Variants in FRMPD1 observed in about 807,000 individuals in gnomAD.
FRMPD1 encodes the protein FERM and PDZ domain containing 1, also known as FERM and PDZ domain-containing protein 1.
FRMPD1 carries 76 observed loss-of-function variants against 117.8 expected under a neutral mutation model. The observed-to-expected ratio is 0.65, with a 90% CI of 0.54 to 0.78. The LOEUF (loss-of-function observed/expected upper bound fraction) is 0.78, where lower values mean the gene tolerates loss of function less well. Among genes scored for constraint, FRMPD1 ranks in the 30% least tolerant of loss-of-function variants. FRMPD1 has a pLI of 0.00. For missense variants in FRMPD1, 1,786 were observed against 1,964.5 expected (o/e 0.91, Z 1.72); for synonymous variants, 783 against 770.4 (o/e 1.02, Z -0.27).
At chr9:37,715,180 A>G (rs994543026) in intron 5 of FRMPD1, among the ~76,000 whole-genome samples, 1 of 152,232 alleles carries the variant, frequency 6.6e-6, no homozygotes. Context: ...TCTATAATAC[A>G]TTAATTATTT....
At chr9:37,622,048 A>C in the FRMPD1 span, among the ~76,000 whole-genome samples, 1 of 152,142 alleles carries the variant, frequency 6.6e-6, no homozygotes, top group East Asian at 1.9e-4. Flanking sequence ...TTCTGGGGAC[A>C]TTTTTGCTTT....
chr9:37,632,972 C>T, the FRMPD1 span, among the ~76,000 whole-genome samples: 1 of 146,590 alleles, frequency 6.8e-6, no homozygotes, highest in African/African-American at 2.5e-5. Context: ...TTTCTTTCTA[C>T]ATATATTATA....
intron 12 of FRMPD1, 80 bp from the exon 13 acceptor site, chr9:37,735,472 G>T: frequency 9.7e-7 from 1 of 1,034,360 alleles, no homozygotes; most frequent in Non-Finnish European, 1.5e-6. Context: ...AGTTTGCAGC[G>T]AGAGGTATTA....
At chr9:37,723,464 C>T (rs962289002) in intron 6 of FRMPD1, among the ~76,000 whole-genome samples, 1 of 152,132 alleles carries the variant, frequency 6.6e-6, no homozygotes, top group African/African-American at 2.4e-5. Context: ...AAGAAAGAAC[C>T]CCTGACATGG....
At chr9:37,642,576 C>T in the FRMPD1 span, among the ~76,000 whole-genome samples, 2 of 152,164 alleles carry the variant, frequency 1.3e-5, no homozygotes, top group South Asian at 2.1e-4. Flanking sequence ...CAGTGCCTAA[C>T]AAATATTAGG....
At chr9:37,650,041 G>T (rs1373228186), upstream of FRMPD1, among the ~76,000 whole-genome samples, 1 of 152,192 alleles carries the variant, frequency 6.6e-6, no homozygotes, top group Non-Finnish European at 1.5e-5. Context: ...GGCCCCGTGG[G>T]ATTGGGTTAT....
chr9:37,674,852 G>A (rs996128252), intron 1 of FRMPD1, among the ~76,000 whole-genome samples: 3 of 152,186 alleles, frequency 2.0e-5, no homozygotes, highest in African/African-American at 7.2e-5. Context: ...CCCAGAACAT[G>A]TGGGAATTCT....
At chr9:37,675,036 C>G (rs1391143186) in intron 1 of FRMPD1, among the ~76,000 whole-genome samples, 1 of 152,146 alleles carries the variant, frequency 6.6e-6, no homozygotes, top group Non-Finnish European at 1.5e-5. Context: ...AAACTTTCAT[C>G]TTTGAGAAAG....
At chr9:37,640,814 T>C in the FRMPD1 span, among the ~76,000 whole-genome samples, 1 of 152,234 alleles carries the variant, frequency 6.6e-6, no homozygotes, top group Non-Finnish European at 1.5e-5. Context: ...GGATCCAGAT[T>C]ATGAAAATAA....
At chr9:37,637,061 T>C in the FRMPD1 span, 2 of 1,547,334 alleles carry the variant, frequency 1.3e-6, no homozygotes, top group Admixed American at 1.7e-5. Flanking sequence ...AGCCCCCCGG[T>C]AGTAGCTGGA....
intron 1 of FRMPD1, among the ~76,000 whole-genome samples, chr9:37,677,180 C>T (rs759205308): frequency 1.3e-5 from 2 of 152,214 alleles, no homozygotes; most frequent in Non-Finnish European, 2.9e-5. Context: ...GAAGGAACCT[C>T]AAAGTCAGGA....
In FRMPD1 at chr9:37,745,113, G is replaced by A. The variant is rs762923368; in HGVS notation, c.3081G>A (p.Leu1027=). The stretch of plus-strand genomic sequence containing the variant: ...ACCCTAACCCAGACAGAGCCTGCCT[G>A]GCCAGCAACCCAGGACTAAATAATG... ...SGDPNPDRAC[L]ASNPGLNNVS... The change falls in exon 16 of 16, where the codon CTG becomes CTA. Residue 1027 remains leucine (L), a synonymous_variant. Coordinates refer to ENST00000377765, the MANE Select transcript of FRMPD1 (RefSeq NM_014907.3). The A allele has an allele frequency of 5.1e-5, 83 of 1,613,964 alleles. No individual in the cohort carries two copies. Among genetic ancestry groups the A allele is most frequent in the South Asian group, 1.1e-5 (1 of 91,082 alleles).
intron 1 of FRMPD1, among the ~76,000 whole-genome samples, chr9:37,682,459 A>G (rs2117938516): frequency 6.6e-6 from 1 of 152,330 alleles, no homozygotes; most frequent in Middle Eastern, 3.4e-3. Context: ...ACAATTTTAC[A>G]ATTGGCAGAT....
chr9:37,713,240 C>T (rs2118194932), intron 5 of FRMPD1, among the ~76,000 whole-genome samples: 1 of 152,220 alleles, frequency 6.6e-6, no homozygotes, highest in Admixed American at 6.5e-5. Context: ...ATTATTAAAA[C>T]AGTATGATAT....
chr9:37,693,046 A>G, intron 2 of FRMPD1: 1 of 413,694 alleles, frequency 2.4e-6, no homozygotes, highest in Admixed American at 3.7e-5. Context: ...TCATACGCAC[A>G]TGCATATACA....
chr9:37,744,630 G>A lies in FRMPD1; in HGVS notation c.2598G>A (p.Val866=), dbSNP rs780541086. Residue 866 remains valine, a synonymous_variant, in exon 16 of 16, where the codon GTG becomes GTA. Transcript: ENST00000377765. The part of the protein sequence containing the change: ...PSASLESVDD[V]CYYDREPYLA... ...CCTCCCTGGAGAGTGTAGACGACGT[G>A]TGCTACTATGACAGGGAGCCCTACC... 2 of 1,613,850 alleles carry A rather than the reference G, an allele frequency of 1.2e-6. No homozygotes were observed. The highest frequency in any genetic ancestry group is 2.2e-5 in the East Asian group (1 of 44,842).
intron 15 of FRMPD1, among the ~76,000 whole-genome samples, chr9:37,742,385 CTG>C (rs1012109157): frequency 6.6e-5 from 10 of 152,198 alleles, no homozygotes; most frequent in Admixed American, 2.6e-4. Context: ...ATACCAGACA[CTG>C]TTTTGTTTTT....
rs773875210 is a variant in FRMPD1 at position 37,724,252 on chromosome 9, G to A, written c.544G>A (p.Val182Met). 6.9e-6 allele frequency: 11 copies of A among 1,599,026 alleles called. No homozygotes were observed. Among genetic ancestry groups the A allele is most frequent in the African/African-American group, 1.3e-5 (1 of 74,756 alleles). Reference protein sequence around the residue: ...QGNSLLCMPNVLKLYLENGQT... With the variant: ...QGNSLLCMPNMLKLYLENGQT... ...TAATTCTCTGCTGTGTATGCCCAAC[G>A]TGCTCAAGCTATACTTGGAGAATGG... The change falls in exon 7 of 16, where the codon GTG becomes ATG. Residue 182 changes from valine (V) to methionine (M), a missense_variant. Val to Met is a conservative substitution (Grantham distance 21). Coordinates refer to ENST00000377765, the MANE Select transcript of FRMPD1 (RefSeq NM_014907.3).
intron 2 of FRMPD1, among the ~76,000 whole-genome samples, chr9:37,705,713 C>G (rs1040842470): frequency 1.3e-5 from 2 of 152,036 alleles, no homozygotes; most frequent in African/African-American, 4.8e-5. Context: ...TGCGGTGGCT[C>G]CTGCCTGTAA....
Sources: allele counts gnomAD v4.1 joint callset (sites outside exome capture counted in the v4.1 genomes callset), GRCh38; gene constraint gnomAD v4.1.1; transcripts MANE v1.5; gene names NCBI Gene and HGNC (gene_info 2026-07-23, HGNC 2026-07-21).